ARGFX: variants seen among roughly 807,000 people sequenced by gnomAD.
ARGFX encodes the protein arginine-fifty homeobox.
Under a neutral mutation model 8.0 loss-of-function variants are expected in ARGFX, and 10 were observed. The ratio of observed to expected loss-of-function variants is 1.25; its 90% confidence interval spans 0.77 to 2.12. The LOEUF (loss-of-function observed/expected upper bound fraction) is 2.12. Among genes scored for constraint, ARGFX ranks in the 30% most tolerant of loss-of-function variants. The pLI is 0.00. For missense variants in ARGFX, 282 were observed against 324.3 expected (o/e 0.87, Z 1.00); for synonymous variants, 116 against 117.8 (o/e 0.98, Z 0.10).
intron 3 of ARGFX, 46 bp from the exon 4 acceptor site, chr3:121,584,871 T>TCTC: frequency 1.3e-6 from 2 of 1,578,644 alleles, no homozygotes; most frequent in Non-Finnish European, 1.7e-6. Flanking sequence ...GGGGGAGAGA[T>TCTC]TGGTAATGTA....
chr3:121,575,189 G>A (rs528698772), intron 2 of ARGFX, among the ~76,000 whole-genome samples: 5 of 152,144 alleles, frequency 3.3e-5, no homozygotes, highest in Admixed American at 6.6e-5. Flanking sequence ...GCGTGGTGGC[G>A]TGTGCCTGTA....
intron 2 of ARGFX, among the ~76,000 whole-genome samples, chr3:121,571,830 T>C (rs2048710469): frequency 6.6e-6 from 1 of 150,706 alleles, no homozygotes; most frequent in African/African-American, 2.4e-5. Flanking sequence ...GGGTTTTGTT[T>C]GTTTGTTTGT....
At chr3:121,572,389 G>C (rs2048714695) in intron 2 of ARGFX, among the ~76,000 whole-genome samples, 1 of 151,684 alleles carries the variant, frequency 6.6e-6, no homozygotes, top group African/African-American at 2.4e-5. Context: ...TTACAGGCAG[G>C]CGCTACCACA....
chr3:121,585,941 C>G, intron 4 of ARGFX, 81 bp from the exon 5 acceptor site: 1 of 1,335,396 alleles, frequency 7.5e-7, no homozygotes, highest in Non-Finnish European at 1.0e-6. Context: ...AGATTATAAC[C>G]TGGCTGTTTT....
intron 3 of ARGFX, among the ~76,000 whole-genome samples, chr3:121,578,311 G>C (rs1431768137): frequency 3.9e-5 from 6 of 151,924 alleles, no homozygotes; most frequent in Admixed American, 1.3e-4. Flanking sequence ...ATTTTTAGTA[G>C]AGATGGGGTT....
rs1388607729 is a variant in ARGFX, at chr3:121,588,291, T to C, written c.*1691T>C. 7.0e-5 allele frequency among the ~76,000 whole-genome samples: 7 copies of C among 100,674 alleles called. No individual in the cohort carries two copies. The highest frequency in any genetic ancestry group is 9.6e-5 in the Non-Finnish European group (5 of 52,280). 66.0% of individuals were successfully genotyped at this position (100,674 alleles called of 152,430 possible). A position where few individuals can be genotyped will look rare whatever the true frequency, so the allele number is the denominator to read the frequency against. ...GACCAGCCTGACTAACATGGTGAAATCCCGTCTCTACTAAAAATACAAAAA... is the reference window on the plus strand; with the variant it reads ...GACCAGCCTGACTAACATGGTGAAACCCCGTCTCTACTAAAAATACAAAAA... On this transcript the variant is annotated 3_prime_UTR_variant, in exon 5 of 5. Coordinates refer to ENST00000334384, the MANE Select transcript of ARGFX (RefSeq NM_001012659.2).
At chr3:121,583,410 A>G (rs1239213048) in intron 3 of ARGFX, among the ~76,000 whole-genome samples, 2 of 151,456 alleles carry the variant, frequency 1.3e-5, no homozygotes, top group Non-Finnish European at 2.9e-5. Flanking sequence ...TTCTATACAT[A>G]TTTATTTTTA....
chr3:121,579,945 CTTTTTTTTTTTT>C (rs1174620508), intron 3 of ARGFX, among the ~76,000 whole-genome samples: 20 of 91,592 alleles, frequency 2.2e-4, no homozygotes, highest in African/African-American at 8.3e-4. Context: ...CTTTTCTTTT[CTTTTTTTTTTTT>C]TTTTTTTTTT....
In ARGFX at chr3:121,586,369, G is replaced by A. The variant is rs1297775832; in HGVS notation, c.717G>A (p.Glu239=). The part of the protein sequence containing the change: ...QIIELYNLPD[E]NEISSSSFHC... ...TAGAACTGTACAATCTTCCTGATGA[G>A]AATGAGATATCCAGCTCTTCTTTCC... The change falls in exon 5 of 5, where the codon GAG becomes GAA. Residue 239 remains glutamate (E), a synonymous_variant. Transcript: ENST00000334384. The A allele has an allele frequency of 6.2e-7, 1 of 1,614,206 alleles. No individual in the cohort carries two copies. Among genetic ancestry groups the A allele is most frequent in the Admixed American group, 1.7e-5 (1 of 60,016 alleles).
At position 121,588,367 on chromosome 3, in the gene ARGFX, A is replaced by G. The variant is rs2048825820; in HGVS notation, c.*1767A>G. Among the ~76,000 whole-genome samples the G allele has an allele frequency of 6.7e-6, 1 of 150,166 alleles. No individual in the cohort carries two copies. The highest frequency in any genetic ancestry group is 1.5e-5 in the Non-Finnish European group (1 of 67,510). On this transcript the variant is annotated 3_prime_UTR_variant, in exon 5 of 5. Coordinates refer to ENST00000334384, the MANE Select transcript of ARGFX (RefSeq NM_001012659.2). ...GTGGCACACACCTGTAATCCCAGCT[A>G]CTCGGGAGGCTGAGGAAGGAGAATT...
chr3:121,574,502 CATA>C (rs1306459201), intron 2 of ARGFX, among the ~76,000 whole-genome samples: 1 of 152,200 alleles, frequency 6.6e-6, no homozygotes, highest in Non-Finnish European at 1.5e-5. Context: ...ATTAGATTCT[CATA>C]ATGAGCATGC....
Position 121,586,245 on chromosome 3 carries a change from G to A in ARGFX, c.593G>A (p.Ser198Asn), listed in dbSNP as rs1180740249. ...GCATGGAACTCTACCTTCACTGAGA[G>A]TTCTACCAGTGACTTCCAAATGCAA... is the stretch of plus-strand genomic sequence containing the variant. ...NWAWNSTFTE[S>N]STSDFQMQDT... is the part of the protein sequence containing the mutation. Residue 198 changes from serine to asparagine, a missense_variant, in exon 5 of 5, where the codon AGT (serine) becomes AAT (asparagine). By Grantham distance (46) the Ser-to-Asn change is conservative (BLOSUM62 1). Coordinates refer to ENST00000334384, the MANE Select transcript of ARGFX (RefSeq NM_001012659.2). 1.2e-6 allele frequency: 2 copies of A among 1,614,124 alleles called. No homozygotes were observed. Among genetic ancestry groups the A allele is most frequent in the Non-Finnish European group, 1.7e-6 (2 of 1,180,034 alleles).
chr3:121,572,113 T>C (rs2108834136), intron 2 of ARGFX, among the ~76,000 whole-genome samples: 1 of 152,136 alleles, frequency 6.6e-6, no homozygotes, highest in South Asian at 2.1e-4. Context: ...ATTATAGGCG[T>C]GAGCCACCAC....
At position 121,585,038 on chromosome 3, in the gene ARGFX, A is replaced by T; in HGVS notation, c.342A>T (p.Arg114Ser). 6.2e-7 allele frequency: 1 copy of T among 1,613,816 alleles called. No individual in the cohort carries two copies. The highest frequency in any genetic ancestry group is 8.5e-7 in the Non-Finnish European group (1 of 1,179,952). The change falls in exon 4 of 5, where the codon AGA becomes AGT. Residue 114 changes from arginine to serine, a missense_variant. Physicochemically the swap from Arg to Ser is moderately radical, Grantham distance 110 (BLOSUM62 -1). Transcript: ENST00000334384. The part of the protein sequence containing the change: ...DRNLQEKLAL[R>S]LDLPESTVKV... ...ATCTTCAGGAGAAACTAGCTTTGAG[A>T]CTCGACCTACCGGAGTCAACAGTAA...
intron 2 of ARGFX, among the ~76,000 whole-genome samples, chr3:121,573,586 A>T (rs1576440781): frequency 6.6e-6 from 1 of 151,976 alleles, no homozygotes; most frequent in East Asian, 1.9e-4. Flanking sequence ...ACAAAACTAG[A>T]ACTCAACAAC....
intron 2 of ARGFX, among the ~76,000 whole-genome samples, chr3:121,574,775 T>C (rs1466041636): frequency 2.0e-5 from 3 of 152,216 alleles, no homozygotes; most frequent in African/African-American, 7.2e-5. Flanking sequence ...TGTGGAAGAA[T>C]ATGTTACACA....
intron 3 of ARGFX, among the ~76,000 whole-genome samples, chr3:121,584,655 T>G (rs936206492): frequency 1.3e-5 from 2 of 152,146 alleles, no homozygotes; most frequent in East Asian, 3.9e-4. Flanking sequence ...GTGAACAGAC[T>G]GAGTACACAG....
Position 121,570,840 on chromosome 3 carries a change from T to A in ARGFX, c.103+24T>A, listed in dbSNP as rs200957471. 4.0e-6 allele frequency: 6 copies of A among 1,494,690 alleles called. No homozygotes were observed. The Admixed American group carries it at 1.2e-4, about 30-fold the overall frequency. 92.6% of individuals were successfully genotyped at this position (1,494,690 alleles called of 1,614,324 possible). ...CAGTGAGTATCATCCTTCTTTGTCC[T>A]CTTTCCTTTTCTACTGCCCCATTCT... On this transcript the variant is annotated intron_variant, in intron 2 of 4. Transcript: ENST00000334384.
intron 3 of ARGFX, among the ~76,000 whole-genome samples, chr3:121,579,945 CTTTTTTTT>C (rs1174620508): frequency 0.35 from 32,100 of 92,642 alleles, 4,518 homozygotes; most frequent in East Asian, 0.65. Flanking sequence ...CTTTTCTTTT[CTTTTTTTT>C]TTTTTTTTTT....
Sources: gnomAD v4.1 joint callset for allele counts (sites outside exome capture counted in the v4.1 genomes callset) on GRCh38, gnomAD v4.1.1 for gene constraint, MANE v1.5 for transcripts, NCBI Gene and HGNC (gene_info 2026-07-23, HGNC 2026-07-21) for gene names.